Variants in DEPDC5 observed in about 807,000 individuals in gnomAD.
DEPDC5 encodes GATOR1 complex protein DEPDC5.
In DEPDC5, 73 loss-of-function variants were observed where a neutral mutation model predicts 217.3. The ratio of observed to expected loss-of-function variants is 0.34; its 90% CI spans 0.28 to 0.41. The LOEUF (loss-of-function observed/expected upper bound fraction) is 0.41, where lower values mean the gene tolerates loss of function less well. Among genes scored for constraint, DEPDC5 ranks in the 10% least tolerant of loss-of-function variants. The pLI is 1.00. For missense variants in DEPDC5, 1,675 were observed against 2,070.1 expected, an observed-to-expected ratio of 0.81 and a Z score of 3.70; for synonymous variants, 733 against 756.7, an observed-to-expected ratio of 0.97 and a Z score of 0.51.
intron 20 of DEPDC5, among the ~76,000 whole-genome samples, chr22:31,812,420 CTTTTTTTTT>C (rs57618137): frequency 1.0e-5 from 1 of 98,286 alleles, no homozygotes; most frequent in African/African-American, 4.4e-5. Context: ...TTCCATATTT[CTTTTTTTTT>C]TTTTTTTTTT....
Position 31,857,570 on chromosome 22 carries a change from T to G in DEPDC5, c.3264+17T>G. 18 of 1,582,628 alleles carry G rather than the reference T, an allele frequency of 1.1e-5. No homozygotes were observed. The highest frequency in any genetic ancestry group is 1.3e-5 in the African/African-American group (1 of 74,524). ...CCACGAAAGGTAAAGGAAGCCGCGG[T>G]AGCAGGGAGCTGTTCTGTGCTCTCA... On this transcript the variant is annotated intron_variant, in intron 32 of 42. Coordinates refer to ENST00000651528, the MANE Select transcript of DEPDC5 (RefSeq NM_001242896.3).
In DEPDC5 at chr22:31,870,743, A is replaced by G. The variant is rs886039280; in HGVS notation, c.3484A>G (p.Ser1162Gly). ...CTCCTCCACAAACTCCAGTGACAGC[A>G]GGTGAGATTCAGAGTGGCCAAACTC... ...GYSSTNSSDS[S>G]SQQLVASSLT... Residue 1162 changes from serine (S) to glycine (G), a missense_variant and splice_region_variant, in exon 34 of 43, where the codon AGC becomes GGC. Transcript: ENST00000651528. The G allele has an allele frequency of 2.6e-6, 4 of 1,564,742 alleles. No individual in the cohort carries two copies. Among genetic ancestry groups the G allele is most frequent in the Non-Finnish European group, 2.6e-6 (3 of 1,158,030 alleles).
chr22:31,791,003 T>C (rs759216448), intron 10 of DEPDC5, among the ~76,000 whole-genome samples: 1 of 151,860 alleles, frequency 6.6e-6, no homozygotes, highest in Non-Finnish European at 1.5e-5. Context: ...CGCCTCAGCC[T>C]CCCAAAGCAC....
chr22:31,777,790 T>C (rs1050734150), intron 7 of DEPDC5, among the ~76,000 whole-genome samples: 4 of 151,742 alleles, frequency 2.6e-5, no homozygotes, highest in African/African-American at 9.7e-5. Flanking sequence ...CTCTGTTGCC[T>C]AGGATGGAGT....
chr22:31,897,202 T>C (rs753338346), intron 39 of DEPDC5, among the ~76,000 whole-genome samples: 2 of 152,038 alleles, frequency 1.3e-5, no homozygotes, highest in Non-Finnish European at 2.9e-5. Flanking sequence ...GGATTTCAAC[T>C]CTCTGCAGAC....
chr22:31,777,782 C>T (rs933862671), intron 7 of DEPDC5, among the ~76,000 whole-genome samples: 2 of 152,096 alleles, frequency 1.3e-5, no homozygotes, highest in Non-Finnish European at 2.9e-5. Flanking sequence ...GAATCTCACT[C>T]TGTTGCCTAG....
chr22:31,754,761 C>A, intron 1 of DEPDC5, 101 bp from the exon 2 acceptor site: 1 of 736,238 alleles, frequency 1.4e-6, no homozygotes, highest in East Asian at 2.6e-5. Flanking sequence ...GGCACCACTT[C>A]ACAGCAGAGG....
intron 38 of DEPDC5, among the ~76,000 whole-genome samples, chr22:31,884,204 C>T (rs764134400): frequency 1.3e-5 from 2 of 152,216 alleles, no homozygotes; most frequent in African/African-American, 2.4e-5. Flanking sequence ...TGTCCCCACT[C>T]TTCTGCCTCC....
chr22:31,815,573 T>G (rs1488733049), intron 21 of DEPDC5: 8 of 604,706 alleles, frequency 1.3e-5, no homozygotes, highest in African/African-American at 8.0e-5. Context: ...TTTGTAGAGG[T>G]GGGGAAGTGC....
intron 23 of DEPDC5, among the ~76,000 whole-genome samples, chr22:31,822,164 T>C (rs1229643166): frequency 6.6e-6 from 1 of 152,186 alleles, no homozygotes; most frequent in Non-Finnish European, 1.5e-5. Context: ...TGAGAGTCAG[T>C]GTAGGAGGAA....
chr22:31,770,312 C>G (rs1488302898), intron 7 of DEPDC5, among the ~76,000 whole-genome samples: 3 of 151,358 alleles, frequency 2.0e-5, no homozygotes, highest in African/African-American at 7.3e-5. Context: ...ATACATTCCT[C>G]TCCCCAGAAA....
chr22:31,856,342 G>A (rs1353321632), intron 31 of DEPDC5, among the ~76,000 whole-genome samples: 1 of 152,160 alleles, frequency 6.6e-6, no homozygotes, highest in Non-Finnish European at 1.5e-5. Context: ...CCCTCTCAGT[G>A]CTGGGACAAC....
intron 38 of DEPDC5, among the ~76,000 whole-genome samples, chr22:31,893,257 A>G (rs1227379010): frequency 6.6e-6 from 1 of 152,180 alleles, no homozygotes; most frequent in East Asian, 1.9e-4. Context: ...TAACCGCCCT[A>G]AAACTCAGTC....
rs577740028 is a variant in DEPDC5 at position 31,878,777 on chromosome 22, G to A, written c.3806-748G>A. Among the ~76,000 whole-genome samples the A allele has an allele frequency of 1.9e-3, 296 of 151,956 alleles. 3 individuals carry two copies. The highest frequency in any genetic ancestry group is 4.2e-3 in the East Asian group (22 of 5,184). ...TTTAGGGCCGGGTACGGTGACACAC[G>A]CCTGTAATCCCAGCACTTTGGGAGG... On this transcript the variant is annotated intron_variant, in intron 37 of 42. Coordinates refer to ENST00000651528, the MANE Select transcript of DEPDC5 (RefSeq NM_001242896.3).
intron 34 of DEPDC5, 191 bp from the exon 35 acceptor site, chr22:31,873,064 T>C: frequency 8.7e-7 from 1 of 1,153,764 alleles, no homozygotes; most frequent in Non-Finnish European, 1.2e-6. Flanking sequence ...CCTAAATGTG[T>C]ATATTTTAAA....
At chr22:31,803,088 T>C (rs1445123395) in intron 15 of DEPDC5, among the ~76,000 whole-genome samples, 1 of 152,132 alleles carries the variant, frequency 6.6e-6, no homozygotes, top group Non-Finnish European at 1.5e-5. Flanking sequence ...AATATGTTAG[T>C]GTAGGTTGTT....
chr22:31,843,606 A>G, intron 28 of DEPDC5, 39 bp from the exon 29 acceptor site: 2 of 1,576,056 alleles, frequency 1.3e-6, no homozygotes, highest in Non-Finnish European at 1.7e-6. Context: ...ATTTGTCTCT[A>G]ACTCTTTTGA....
chr22:31,849,554 G>T (rs1294330742), intron 31 of DEPDC5, among the ~76,000 whole-genome samples: 1 of 152,110 alleles, frequency 6.6e-6, no homozygotes, highest in Non-Finnish European at 1.5e-5. Context: ...GCCTAGGTGG[G>T]TGAATCACCT....
In DEPDC5 at chr22:31,802,738, C is replaced by T. The variant is rs769811295; in HGVS notation, c.981C>T (p.Asp327=). 2.5e-6 allele frequency: 4 copies of T among 1,593,926 alleles called. No homozygotes were observed. The highest frequency in any genetic ancestry group is 3.4e-6 in the Non-Finnish European group (4 of 1,170,718). Residue 327 remains aspartate, a synonymous_variant, in exon 15 of 43, where the codon GAC becomes GAT. Coordinates refer to ENST00000651528, the MANE Select transcript of DEPDC5 (RefSeq NM_001242896.3). ...AGCACTACATCAACCGCAACTTTGA[C>T]CGAACTGGGCAGATGTCAGTGGTGA... ...FDKHYINRNF[D]RTGQMSVVIT...
Sources: gnomAD v4.1 joint callset for allele counts (sites outside exome capture counted in the v4.1 genomes callset) on GRCh38, gnomAD v4.1.1 for gene constraint, MANE v1.5 for transcripts, NCBI Gene and HGNC (gene_info 2026-07-23, HGNC 2026-07-21) for gene names.